SGCZ: variants seen among roughly 807,000 people sequenced by gnomAD.
SGCZ encodes zeta-sarcoglycan.
In SGCZ, 40 loss-of-function variants were observed where a neutral mutation model predicts 41.3. The ratio of observed to expected loss-of-function variants is 0.97; its 90% CI spans 0.75 to 1.26. SGCZ has a LOEUF of 1.26. Ranked by LOEUF, SGCZ falls within the 50% of genes most tolerant of loss-of-function variation. SGCZ has a pLI of 0.00. For missense variants in SGCZ, 552 were observed against 369.8 expected (o/e 1.49, Z -4.04); for synonymous variants, 206 against 137.5 (o/e 1.50, Z -3.49).
chr8:14,391,478 T>C (rs938234241), intron 2 of SGCZ, among the ~76,000 whole-genome samples: 1 of 152,118 alleles, frequency 6.6e-6, no homozygotes, highest in African/African-American at 2.4e-5. Context: ...CCAGATTTTG[T>C]ATTCCGGCCC....
chr8:14,756,185 ATTTTTT>A (rs34700961), intron 1 of SGCZ, among the ~76,000 whole-genome samples: 11 of 136,148 alleles, frequency 8.1e-5, no homozygotes, highest in Non-Finnish European at 6.2e-5. Flanking sequence ...GTAGAAGTAA[ATTTTTT>A]TTTTTTTTTT....
chr8:14,639,038 C>CTTTTTTTTTTTTTTTTTT (rs148778266), intron 1 of SGCZ, among the ~76,000 whole-genome samples: 1 of 137,614 alleles, frequency 7.3e-6, no homozygotes. Flanking sequence ...AAACTGGAAT[C>CTTTTTTTTTTTTTTTTTT]TTTTTTTTTT....
At chr8:15,101,940 G>A (rs1393742834) in intron 1 of SGCZ, among the ~76,000 whole-genome samples, 2 of 151,938 alleles carry the variant, frequency 1.3e-5, no homozygotes, top group African/African-American at 4.8e-5. Context: ...AAAGAATATT[G>A]GTAAAATTAC....
intron 4 of SGCZ, among the ~76,000 whole-genome samples, chr8:14,188,253 A>C (rs1804970368): frequency 6.6e-6 from 1 of 152,356 alleles, no homozygotes; most frequent in South Asian, 2.1e-4. Flanking sequence ...AGAACCTAGT[A>C]AAGAGAGTTA....
At chr8:14,289,237 G>C (rs1423388493) in intron 3 of SGCZ, among the ~76,000 whole-genome samples, 1 of 146,346 alleles carries the variant, frequency 6.8e-6, no homozygotes, top group Admixed American at 6.8e-5. Flanking sequence ...TTACTTTCTT[G>C]ATACTGTCCT....
chr8:14,646,761 TC>T (rs2117444786), intron 1 of SGCZ, among the ~76,000 whole-genome samples: 1 of 152,044 alleles, frequency 6.6e-6, no homozygotes, highest in Admixed American at 6.6e-5. Flanking sequence ...ATTATTTTGT[TC>T]AATTGTCCAT....
rs191437393 is a variant in SGCZ at position 14,227,269 on chromosome 8, T to C, written c.424+10323A>G. ...ATGTAAGAATGCAAACAGTTTTCTT[T>C]ATTCTAATTATGACATGAGAAAAGG... On this transcript the variant is annotated intron_variant, in intron 4 of 7. Coordinates refer to ENST00000382080, the MANE Select transcript of SGCZ (RefSeq NM_139167.4). 7.4e-4 allele frequency among the ~76,000 whole-genome samples: 113 copies of C among 152,232 alleles called. 1 individual carries two copies. In the East Asian group the frequency reaches 0.013, roughly 17 times the overall value.
chr8:14,333,556 A>G (rs1408483997), intron 2 of SGCZ, among the ~76,000 whole-genome samples: 1 of 152,132 alleles, frequency 6.6e-6, no homozygotes, highest in African/African-American at 2.4e-5. Context: ...AAATTTAGAA[A>G]ACCATTGCAT....
chr8:14,478,684 T>A (rs550302530), intron 2 of SGCZ, among the ~76,000 whole-genome samples: 1 of 152,330 alleles, frequency 6.6e-6, no homozygotes, highest in East Asian at 1.9e-4. Flanking sequence ...GGTTGATTTG[T>A]TTCAGCTTAA....
chr8:15,024,627 G>A (rs993610055), intron 1 of SGCZ, among the ~76,000 whole-genome samples: 6 of 152,094 alleles, frequency 3.9e-5, no homozygotes, highest in Non-Finnish European at 8.8e-5. Flanking sequence ...CTCGTTAGCA[G>A]AAGCATTAGT....
chr8:15,014,033 A>G lies in SGCZ; in HGVS notation c.39+223552T>C, dbSNP rs7817470. Among the ~76,000 whole-genome samples the G allele has an allele frequency of 7.9e-3, 1,204 of 152,182 alleles. 24 individuals carry two copies. Among genetic ancestry groups the G allele is most frequent in the African/African-American group, 0.028 (1,149 of 41,518 alleles). The stretch of plus-strand genomic sequence containing the variant: ...ATCCCAAACGGGTGAAAATCCACTC[A>G]GTTTATCAGGATTAGTGAGAATAAT... On this transcript the variant is annotated intron_variant, in intron 1 of 7. Transcript: ENST00000382080.
rs1443692540 is a variant in SGCZ, at chr8:15,133,845, A to G, written c.39+103740T>C. On this transcript the variant is annotated intron_variant, in intron 1 of 7. Transcript: ENST00000382080. ...TTCTTAATTTCAGATTTGTGAAAAA[A>G]ACAAGTGTTAAAACCACTTAACAAT... 1.3e-5 allele frequency among the ~76,000 whole-genome samples: 2 copies of G among 152,216 alleles called. 1 individual carries two copies. The highest frequency in any genetic ancestry group is 4.1e-4 in the South Asian group (2 of 4,836).
rs1469199538 is a variant in SGCZ at position 14,172,505 on chromosome 8, A to C, written c.425-7803T>G. Among the ~76,000 whole-genome samples, 3 of 152,190 alleles carry C rather than the reference A, an allele frequency of 2.0e-5. 1 individual carries two copies. The East Asian group carries it at 5.8e-4, about 29-fold the overall frequency. ...GCACGAACGGCGCCATGCCTCTCAA[A>C]GGCCATGGTGGAAAAATGAATCTTG... On this transcript the variant is annotated intron_variant, in intron 4 of 7. Coordinates refer to ENST00000382080, the MANE Select transcript of SGCZ (RefSeq NM_139167.4).
chr8:14,905,703 A>G (rs968612116), intron 1 of SGCZ, among the ~76,000 whole-genome samples: 1 of 152,120 alleles, frequency 6.6e-6, no homozygotes, highest in African/African-American at 2.4e-5. Context: ...TACGTAAGTG[A>G]AGATATACAT....
chr8:14,527,602 A>C (rs138694399), intron 2 of SGCZ, among the ~76,000 whole-genome samples: 2 of 152,250 alleles, frequency 1.3e-5, no homozygotes, highest in African/African-American at 4.8e-5. Context: ...CATTGTCATT[A>C]TGCTGCTGGC....
At chr8:14,701,812 C>G (rs753435212) in intron 1 of SGCZ, among the ~76,000 whole-genome samples, 1 of 152,004 alleles carries the variant, frequency 6.6e-6, no homozygotes, top group Non-Finnish European at 1.5e-5. Flanking sequence ...ATTGACCCAC[C>G]CAAGCAAGAT....
chr8:14,445,840 C>G (rs1267193328), intron 2 of SGCZ, among the ~76,000 whole-genome samples: 1 of 152,128 alleles, frequency 6.6e-6, no homozygotes, highest in Non-Finnish European at 1.5e-5. Flanking sequence ...GGGTTCCACA[C>G]AGATCTTGCT....
intron 1 of SGCZ, among the ~76,000 whole-genome samples, chr8:15,189,503 T>A (rs1335915735): frequency 6.6e-6 from 1 of 151,980 alleles, no homozygotes; most frequent in East Asian, 1.9e-4. Flanking sequence ...ACATTTCTCA[T>A]CACGCTCAAG....
chr8:14,883,319 C>T (rs1804664769), intron 1 of SGCZ, among the ~76,000 whole-genome samples: 1 of 151,612 alleles, frequency 6.6e-6, no homozygotes, highest in Non-Finnish European at 1.5e-5. Flanking sequence ...CCTTGGAATC[C>T]TGGGTTAAAA....
Sources: allele counts gnomAD v4.1 joint callset (sites outside exome capture counted in the v4.1 genomes callset), GRCh38; gene constraint gnomAD v4.1.1; transcripts MANE v1.5; gene names NCBI Gene and HGNC (gene_info 2026-07-23, HGNC 2026-07-21).